The following GLIS3 variants were observed in gnomAD, a reference collection of about 807,000 sequenced individuals.
GLIS3 encodes the protein GLIS family zinc finger 3, also known as zinc finger protein GLIS3.
In GLIS3, 53 loss-of-function variants were observed where a neutral mutation model predicts 78.6. That is an observed-to-expected ratio of 0.67 (90% CI 0.54 to 0.85). The LOEUF is 0.85. Ranked by LOEUF, GLIS3 falls within the 40% of genes least tolerant of loss-of-function variation. The pLI, the probability that GLIS3 is intolerant of heterozygous loss-of-function variation, is 0.00. For synonymous variants in GLIS3, 684 were observed against 509.9 expected (o/e 1.34, Z -4.60); for missense variants, 1,703 against 1,231.1 (o/e 1.38, Z -5.74).
chr9:4,270,905 GTGTGTGTGTGTGTGT>G (rs1220740928), intron 2 of GLIS3, among the ~76,000 whole-genome samples: 1 of 37,050 alleles, frequency 2.7e-5, no homozygotes, highest in Non-Finnish European at 5.1e-5. Flanking sequence ...GTGTGTGTGT[GTGTGTGTGTGTGTGT>G]GTGTGTGTGT....
chr9:3,867,680 A>G (rs1046339345), intron 8 of GLIS3, among the ~76,000 whole-genome samples: 1 of 151,998 alleles, frequency 6.6e-6, no homozygotes, highest in Admixed American at 6.6e-5. Flanking sequence ...CACAACATTG[A>G]GATCAGGAAC....
chr9:4,003,245 T>G (rs1821262630), intron 4 of GLIS3, among the ~76,000 whole-genome samples: 1 of 152,256 alleles, frequency 6.6e-6, no homozygotes, highest in South Asian at 2.1e-4. Context: ...TATCTTTCTC[T>G]GGTAGCCCCC....
chr9:4,353,563 C>G, the GLIS3 span, among the ~76,000 whole-genome samples: 1 of 152,068 alleles, frequency 6.6e-6, no homozygotes, highest in African/African-American at 2.4e-5. Flanking sequence ...GACAGCAAAA[C>G]TAAGGACTGT....
chr9:4,285,317 A>T (rs1021384849), intron 2 of GLIS3, among the ~76,000 whole-genome samples: 8 of 152,234 alleles, frequency 5.3e-5, no homozygotes, highest in African/African-American at 1.9e-4. Flanking sequence ...ATAACTTGCT[A>T]TTCACCAACA....
the GLIS3 span, among the ~76,000 whole-genome samples, chr9:4,414,319 C>T: frequency 6.6e-6 from 1 of 152,148 alleles, no homozygotes; most frequent in African/African-American, 2.4e-5. Context: ...GGCCCAGAGG[C>T]ATTTTTTAAG....
At chr9:4,295,212 C>G (rs1291632629) in intron 1 of GLIS3, among the ~76,000 whole-genome samples, 2 of 152,064 alleles carry the variant, frequency 1.3e-5, no homozygotes, top group Non-Finnish European at 2.9e-5. Flanking sequence ...GTTGCTGGCC[C>G]TCACGAAAGG....
chr9:4,033,941 A>G (rs1824090486), intron 4 of GLIS3, among the ~76,000 whole-genome samples: 1 of 151,712 alleles, frequency 6.6e-6, no homozygotes, highest in Non-Finnish European at 1.5e-5. Flanking sequence ...TTAAGCCATA[A>G]AGTTTTAAAA....
At chr9:4,103,158 C>G (rs1358324268) in intron 4 of GLIS3, among the ~76,000 whole-genome samples, 1 of 152,110 alleles carries the variant, frequency 6.6e-6, no homozygotes, top group African/African-American at 2.4e-5. Context: ...TAAACAAATT[C>G]AACACATAGT....
At chr9:3,930,144 A>G (rs559642005) in intron 6 of GLIS3, among the ~76,000 whole-genome samples, 1 of 152,362 alleles carries the variant, frequency 6.6e-6, no homozygotes, top group South Asian at 2.1e-4. Flanking sequence ...ATGGATTCAT[A>G]AAGAATTTTT....
intron 4 of GLIS3, among the ~76,000 whole-genome samples, chr9:4,117,045 T>C (rs777576787): frequency 3.3e-5 from 5 of 152,200 alleles, no homozygotes; most frequent in Non-Finnish European, 7.3e-5. Flanking sequence ...CCAGGATGGA[T>C]GCTGTGAAAG....
At chr9:4,161,954 G>C (rs961162258) in intron 2 of GLIS3, among the ~76,000 whole-genome samples, 1 of 151,946 alleles carries the variant, frequency 6.6e-6, no homozygotes, top group African/African-American at 2.4e-5. Context: ...CCAAAGTGGT[G>C]GGATTACAGG....
At chr9:4,384,548 A>T in the GLIS3 span, among the ~76,000 whole-genome samples, 1 of 149,200 alleles carries the variant, frequency 6.7e-6, no homozygotes, top group Non-Finnish European at 1.5e-5. Context: ...TCCTTTATAT[A>T]ATATATATAA....
chr9:4,417,134 AC>A, the GLIS3 span, among the ~76,000 whole-genome samples: 1 of 152,182 alleles, frequency 6.6e-6, no homozygotes, highest in Non-Finnish European at 1.5e-5. Flanking sequence ...AAACTGAATA[AC>A]AAATAGTCGA....
intron 4 of GLIS3, chr9:4,054,512 G>A: frequency 1.0e-6 from 1 of 985,258 alleles, no homozygotes; most frequent in South Asian, 4.7e-5. Flanking sequence ...AGAAATGGCA[G>A]TCTACAGAGA....
At chr9:4,364,711 T>TGC in the GLIS3 span, among the ~76,000 whole-genome samples, 1 of 32,526 alleles carries the variant, frequency 3.1e-5, no homozygotes, top group Middle Eastern at 0.056. Flanking sequence ...TATTACACTT[T>TGC]ATATATATAT....
intron 2 of GLIS3, among the ~76,000 whole-genome samples, chr9:4,206,646 C>A (rs1288597793): frequency 6.6e-6 from 1 of 152,218 alleles, no homozygotes. Context: ...CTAGGCCTCA[C>A]ACCTTAAATT....
the GLIS3 span, among the ~76,000 whole-genome samples, chr9:4,365,071 A>G: frequency 6.6e-6 from 1 of 152,200 alleles, no homozygotes; most frequent in Non-Finnish European, 1.5e-5. Context: ...TGTAAGACAG[A>G]AATTTCTTTG....
intron 2 of GLIS3, among the ~76,000 whole-genome samples, chr9:4,244,551 A>G (rs1014363165): frequency 3.9e-5 from 6 of 152,152 alleles, no homozygotes; most frequent in African/African-American, 7.2e-5. Flanking sequence ...TGTGAGGTAG[A>G]TATCTGTTAA....
chr9:4,016,805 C>T (rs1209828581), intron 4 of GLIS3, among the ~76,000 whole-genome samples: 4 of 152,168 alleles, frequency 2.6e-5, no homozygotes, highest in African/African-American at 7.2e-5. Flanking sequence ...TTTTAGGACT[C>T]CATTGTTGGG....
Sources: allele counts gnomAD v4.1 joint callset (sites outside exome capture counted in the v4.1 genomes callset), GRCh38; gene constraint gnomAD v4.1.1; transcripts MANE v1.5; gene names NCBI Gene and HGNC (gene_info 2026-07-23, HGNC 2026-07-21).